LRRC37A2: variants seen among roughly 807,000 people sequenced by gnomAD.
LRRC37A2 encodes the protein leucine-rich repeat-containing protein 37A2.
A neutral mutation model predicts 68.8 loss-of-function variants in LRRC37A2; 9 were observed. That is an observed-to-expected ratio of 0.13 (90% CI 0.08 to 0.23). LRRC37A2 has a LOEUF of 0.23. Among genes scored for constraint, LRRC37A2 ranks in the 10% least tolerant of loss-of-function variants. The probability of loss-of-function intolerance (pLI) is 1.00; values close to 1 mark genes in which losing one functional copy is unlikely to be tolerated. For missense variants in LRRC37A2, 168 were observed against 950.4 expected (o/e 0.18, Z 10.82); for synonymous variants, 63 against 367.6 (o/e 0.17, Z 9.48).
At chr17:46,768,384 T>C in the LRRC37A2 span, 2 of 1,613,820 alleles carry the variant, frequency 1.2e-6, no homozygotes, top group Non-Finnish European at 1.7e-6. The surrounding 1 kb of genome is among the most constrained non-coding windows in gnomAD (Gnocchi z 5.0). Context: ...GCAGCACCAG[T>C]GGAAGATGCA....
the LRRC37A2 span, among the ~76,000 whole-genome samples, chr17:46,892,407 C>G: frequency 2.6e-5 from 4 of 152,220 alleles, no homozygotes. Context: ...GTGTTCCCAG[C>G]TCTGTGCCTT....
chr17:46,896,426 GAA>G, the LRRC37A2 span, among the ~76,000 whole-genome samples: 15 of 88,170 alleles, frequency 1.7e-4, no homozygotes, highest in South Asian at 1.4e-3. Context: ...AAGAAAGAAA[GAA>G]AGAAAGAAAG....
the LRRC37A2 span, among the ~76,000 whole-genome samples, chr17:46,728,008 A>C: frequency 6.7e-6 from 1 of 149,102 alleles, no homozygotes; most frequent in East Asian, 2.0e-4. Flanking sequence ...TTTTTTTTTT[A>C]TTTTTATTTT....
the LRRC37A2 span, among the ~76,000 whole-genome samples, chr17:46,777,526 T>C: frequency 6.6e-6 from 1 of 152,228 alleles, no homozygotes; most frequent in Non-Finnish European, 1.5e-5. Context: ...AGGAAGAAGG[T>C]GCCACTGAGC....
chr17:46,939,407 T>C, the LRRC37A2 span: 2 of 994,998 alleles, frequency 2.0e-6, no homozygotes, highest in Non-Finnish European at 1.2e-6. Flanking sequence ...GTTTCTCTTT[T>C]CTAAAGTGAG....
chr17:46,980,788 A>G, the LRRC37A2 span, among the ~76,000 whole-genome samples: 44 of 151,910 alleles, frequency 2.9e-4, no homozygotes, highest in Non-Finnish European at 5.7e-4. Context: ...AGCCGAGATC[A>G]CGCCACTGCA....
the LRRC37A2 span, among the ~76,000 whole-genome samples, chr17:47,005,330 T>C: frequency 1.3e-5 from 2 of 152,230 alleles, no homozygotes; most frequent in African/African-American, 4.8e-5. Flanking sequence ...CTTTGTGCAG[T>C]GGAAACAGTG....
the LRRC37A2 span, chr17:46,935,609 C>G: frequency 1.6e-5 from 17 of 1,062,150 alleles, no homozygotes; most frequent in Non-Finnish European, 1.9e-5. Context: ...ATTTTAGTAA[C>G]TGAATCCCCA....
At chr17:46,693,436 T>TATA in the LRRC37A2 span, among the ~76,000 whole-genome samples, 1 of 151,906 alleles carries the variant, frequency 6.6e-6, no homozygotes, top group African/African-American at 2.4e-5. Context: ...GGGAGTGCGT[T>TATA]TCAGATCCTA....
At chr17:46,903,118 C>A in the LRRC37A2 span, among the ~76,000 whole-genome samples, 1 of 152,036 alleles carries the variant, frequency 6.6e-6, no homozygotes, top group Non-Finnish European at 1.5e-5. Flanking sequence ...CCCATCTCTA[C>A]TAAAAATACA....
At chr17:46,949,548 T>C in the LRRC37A2 span, among the ~76,000 whole-genome samples, 1 of 152,146 alleles carries the variant, frequency 6.6e-6, no homozygotes, top group East Asian at 1.9e-4. Context: ...ATTGACACGG[T>C]GGGTGGCCAT....
At chr17:46,856,631 G>C in the LRRC37A2 span, among the ~76,000 whole-genome samples, 3 of 151,806 alleles carry the variant, frequency 2.0e-5, no homozygotes, top group Non-Finnish European at 2.9e-5. Context: ...TGACAAGTGT[G>C]CGCCACCATG....
the LRRC37A2 span, chr17:47,021,937 C>T: frequency 8.6e-6 from 13 of 1,507,174 alleles, no homozygotes; most frequent in Admixed American, 8.4e-5. Context: ...TATATTCTCT[C>T]CAAATATGAC....
chr17:46,973,682 T>A, the LRRC37A2 span, among the ~76,000 whole-genome samples: 4 of 152,204 alleles, frequency 2.6e-5, no homozygotes, highest in African/African-American at 7.2e-5. Context: ...TTTGCTGTCC[T>A]GGACACCCCG....
At chr17:46,760,252 CTTAAAAA>C in the LRRC37A2 span, among the ~76,000 whole-genome samples, 2 of 151,988 alleles carry the variant, frequency 1.3e-5, no homozygotes, top group Admixed American at 1.3e-4. Context: ...ACACTTGTCT[CTTAAAAA>C]TTAAAAACTA....
At chr17:47,005,964 T>C in the LRRC37A2 span, among the ~76,000 whole-genome samples, 1 of 152,234 alleles carries the variant, frequency 6.6e-6, no homozygotes, top group Non-Finnish European at 1.5e-5. Flanking sequence ...CTTTTTAATT[T>C]ATTTTGTGAG....
chr17:46,752,772 CT>C, the LRRC37A2 span, among the ~76,000 whole-genome samples: 81 of 151,034 alleles, frequency 5.4e-4, 1 homozygote, highest in African/African-American at 1.9e-3. Context: ...AACTTTTTTT[CT>C]TTTTTTTTCT....
the LRRC37A2 span, among the ~76,000 whole-genome samples, chr17:46,857,792 G>GTATCTCA: frequency 6.6e-6 from 1 of 152,172 alleles, no homozygotes; most frequent in Non-Finnish European, 1.5e-5. Flanking sequence ...TCTCATTGTG[G>GTATCTCA]TTTTAATTTG....
chr17:46,748,071 A>G, the LRRC37A2 span, among the ~76,000 whole-genome samples: 96 of 152,332 alleles, frequency 6.3e-4, 1 homozygote, highest in African/African-American at 1.7e-3. Flanking sequence ...AGTGCCTTCA[A>G]AATTGTGAGA....
Sources: allele counts gnomAD v4.1 joint callset (sites outside exome capture counted in the v4.1 genomes callset), GRCh38; gene constraint gnomAD v4.1.1; non-coding constraint Gnocchi (gnomAD v3.1); transcripts MANE v1.5; gene names NCBI Gene and HGNC (gene_info 2026-07-23, HGNC 2026-07-21).